Variants in EYS observed in about 807,000 individuals in gnomAD.
EYS encodes the protein EGF-like photoreceptor maintenance factor.
A neutral mutation model predicts 282.1 loss-of-function variants in EYS; 250 were observed. That is an observed-to-expected ratio of 0.89 (90% confidence interval 0.80 to 0.98). The LOEUF (loss-of-function observed/expected upper bound fraction) is 0.98, where lower values mean the gene tolerates loss of function less well. Ranked by LOEUF, EYS falls within the 50% of genes least tolerant of loss-of-function variation. The pLI is 0.00. For missense variants in EYS, 4,016 were observed against 3,709.0 expected (o/e 1.08, Z -2.15); for synonymous variants, 1,355 against 1,282.9 (o/e 1.06, Z -1.20).
intron 35 of EYS, among the ~76,000 whole-genome samples, chr6:63,873,755 T>A (rs1208944063): frequency 1.3e-5 from 2 of 152,232 alleles, no homozygotes; most frequent in Non-Finnish European, 1.5e-5. Flanking sequence ...TGATGGCCAG[T>A]GATGATGAGC....
At chr6:65,481,501 T>C (rs1353876893) in intron 5 of EYS, among the ~76,000 whole-genome samples, 1 of 152,146 alleles carries the variant, frequency 6.6e-6, no homozygotes, top group African/African-American at 2.4e-5. Context: ...TACACTACCT[T>C]GTTGGCAGAC....
Position 63,889,382 on chromosome 6 carries a change from C to T in EYS, c.7056-25024G>A, listed in dbSNP as rs895081259. Among the ~76,000 whole-genome samples the T allele has an allele frequency of 3.9e-5, 6 of 152,182 alleles. No homozygotes were observed. The South Asian group carries it at 1.2e-3, about 32-fold the overall frequency. The stretch of plus-strand genomic sequence containing the variant: ...GTTAAGGGGAGCCAGAGAGAAAGGT[C>T]GGGGAAGCCACAAAGGAGAGCCCAT... On this transcript the variant is annotated intron_variant, in intron 35 of 42. Coordinates refer to ENST00000503581, the MANE Select transcript of EYS (RefSeq NM_001142800.2).
At chr6:65,193,624 A>G (rs1765695468) in intron 12 of EYS, among the ~76,000 whole-genome samples, 1 of 151,700 alleles carries the variant, frequency 6.6e-6, no homozygotes, top group Non-Finnish European at 1.5e-5. Flanking sequence ...TGTTCAACAA[A>G]TATTTATTGA....
At chr6:65,700,141 T>TAAAAAAAAAAA (rs1554225521) in intron 1 of EYS, among the ~76,000 whole-genome samples, 7 of 99,774 alleles carry the variant, frequency 7.0e-5, no homozygotes, top group Admixed American at 1.0e-4. Flanking sequence ...AAAAAAAAAC[T>TAAAAAAAAAAA]ATATTAAAAC....
chr6:64,026,783 C>T (rs1163280976), intron 33 of EYS, among the ~76,000 whole-genome samples: 1 of 152,092 alleles, frequency 6.6e-6, no homozygotes, highest in Non-Finnish European at 1.5e-5. Flanking sequence ...TCCAAAGTAC[C>T]ACAAAACCCC....
chr6:64,274,488 T>TTTTTTTTTGTA (rs1768046710), intron 30 of EYS, among the ~76,000 whole-genome samples: 1 of 148,208 alleles, frequency 6.7e-6, no homozygotes, highest in African/African-American at 2.5e-5. Flanking sequence ...GCCGTTTTTT[T>TTTTTTTTTGTA]TTTTTTTTTT....
intron 36 of EYS, among the ~76,000 whole-genome samples, chr6:63,838,201 C>T (rs1431994266): frequency 6.6e-6 from 1 of 151,784 alleles, no homozygotes; most frequent in Non-Finnish European, 1.5e-5. Flanking sequence ...ATACTTGCTT[C>T]CAACTGTGTT....
intron 26 of EYS, among the ~76,000 whole-genome samples, chr6:64,552,432 A>C (rs1765110420): frequency 6.6e-6 from 1 of 152,128 alleles, no homozygotes; most frequent in Non-Finnish European, 1.5e-5. Context: ...GAATTAACAA[A>C]GAGTCTGGCA....
chr6:64,100,123 T>C (rs887099615), intron 31 of EYS, among the ~76,000 whole-genome samples: 5 of 151,054 alleles, frequency 3.3e-5, no homozygotes, highest in African/African-American at 1.2e-4. Context: ...CTGTGCAATT[T>C]GAAAATATTA....
Position 65,280,619 on chromosome 6 carries a change from A to G in EYS, c.2023+15244T>C, listed in dbSNP as rs1392768105. The stretch of plus-strand genomic sequence containing the variant: ...TTGTAAGTTACTTTTACATGATTTC[A>G]TTTTTTTAATTCGGTCTGTGGGGGA... On this transcript the variant is annotated intron_variant, in intron 12 of 42. Coordinates refer to ENST00000503581, the MANE Select transcript of EYS (RefSeq NM_001142800.2). Among the ~76,000 whole-genome samples, 6 of 151,902 alleles carry G rather than the reference A, an allele frequency of 3.9e-5. No individual in the cohort carries two copies. In the South Asian group the frequency reaches 6.2e-4, roughly 16 times the overall value.
intron 30 of EYS, among the ~76,000 whole-genome samples, chr6:64,232,308 G>C (rs1366574697): frequency 6.6e-6 from 1 of 151,548 alleles, no homozygotes; most frequent in African/African-American, 2.4e-5. Context: ...TCTCTAGTAG[G>C]CTCTCCAGTA....
chr6:64,043,305 G>T (rs1169886880), intron 33 of EYS, among the ~76,000 whole-genome samples: 4 of 152,150 alleles, frequency 2.6e-5, no homozygotes, highest in Non-Finnish European at 5.9e-5. Context: ...GCACCACAAG[G>T]CTCAGTACTC....
intron 2 of EYS, among the ~76,000 whole-genome samples, chr6:65,603,684 C>T (rs1765686353): frequency 1.3e-5 from 2 of 151,580 alleles, no homozygotes; most frequent in African/African-American, 4.8e-5. Context: ...TTTGTAAACC[C>T]CAGAGCTTTC....
intron 11 of EYS, 72 bp from the exon 12 acceptor site, chr6:65,296,191 C>G: frequency 7.7e-7 from 1 of 1,301,652 alleles, no homozygotes; most frequent in South Asian, 1.5e-5. Context: ...ATTTAAATCA[C>G]ACATTTATTT....
At chr6:65,106,464 CTGT>C (rs1456466131) in intron 12 of EYS, among the ~76,000 whole-genome samples, 2 of 151,902 alleles carry the variant, frequency 1.3e-5, no homozygotes, top group Admixed American at 6.6e-5. Flanking sequence ...TAACTTTGTT[CTGT>C]TGTTATCACT....
chr6:64,075,730 G>A (rs1490729529), intron 32 of EYS, among the ~76,000 whole-genome samples: 2 of 151,934 alleles, frequency 1.3e-5, no homozygotes, highest in East Asian at 1.9e-4. Flanking sequence ...AGGAGTTAAA[G>A]CATTATCTGA....
chr6:63,772,492 T>G (rs1769957294), intron 40 of EYS, among the ~76,000 whole-genome samples: 1 of 152,134 alleles, frequency 6.6e-6, no homozygotes, highest in South Asian at 2.1e-4. Flanking sequence ...TTTTTATATA[T>G]AGTTTTAAAA....
chr6:65,666,365 G>C (rs1022941192), intron 1 of EYS, among the ~76,000 whole-genome samples: 1 of 151,690 alleles, frequency 6.6e-6, no homozygotes, highest in Admixed American at 6.6e-5. Flanking sequence ...ATCTGTATTG[G>C]CTCCCATCTC....
intron 22 of EYS, among the ~76,000 whole-genome samples, chr6:64,791,532 A>G (rs539348648): frequency 1.2e-4 from 18 of 152,072 alleles, no homozygotes; most frequent in African/African-American, 4.3e-4. Flanking sequence ...GAGTATTTAA[A>G]ATTATCTCTA....
Sources: allele counts gnomAD v4.1 joint callset (sites outside exome capture counted in the v4.1 genomes callset), GRCh38; gene constraint gnomAD v4.1.1; transcripts MANE v1.5; gene names NCBI Gene and HGNC (gene_info 2026-07-23, HGNC 2026-07-21).